BCAP31: variants seen among roughly 807,000 people sequenced by gnomAD.
BCAP31 encodes B cell receptor associated protein 31.
For synonymous variants in BCAP31, 75 were observed against 80.9 expected, an observed-to-expected ratio of 0.93 and a Z score of 0.39; for missense variants, 124 against 193.0, an observed-to-expected ratio of 0.64 and a Z score of 2.12.
intron 3 of BCAP31, among the ~76,000 whole-genome samples, chrX:153,716,398 T>C (rs782057106): frequency 9.2e-6 from 1 of 108,196 alleles, no homozygotes; most frequent in Non-Finnish European, 1.9e-5. Context: ...CAATGATAAG[T>C]TGAACCTGGA....
intron 2 of BCAP31, among the ~76,000 whole-genome samples, chrX:153,721,435 C>CAA (rs782544895): frequency 9.8e-4 from 32 of 32,560 alleles, no homozygotes; most frequent in African/African-American, 1.2e-3. Flanking sequence ...GACCTTGTCT[C>CAA]AAAAAAAAAA....
chrX:153,707,058 A>G (rs1322943910), intron 4 of BCAP31, among the ~76,000 whole-genome samples: 7 of 111,145 alleles, frequency 6.3e-5, no homozygotes, highest in African/African-American at 2.3e-4. Flanking sequence ...CATTCCTGGA[A>G]CACGCCTGGC....
chrX:153,717,184 G>A lies in BCAP31; in HGVS notation c.194-1495C>T, dbSNP rs377594897. On this transcript the variant is annotated intron_variant, in intron 3 of 7. Coordinates refer to ENST00000345046, the MANE Select transcript of BCAP31 (RefSeq NM_001256447.2). ...GGCCTGGGATAGCTCTGGGTGCAGA[G>A]TGGGCACTGAAATAATTGCTGAGTC... Among the ~76,000 whole-genome samples, 34 of 112,443 alleles carry A rather than the reference G, an allele frequency of 3.0e-4. 1 individual carries two copies. Among genetic ancestry groups the A allele is most frequent in the African/African-American group, 9.4e-4 (29 of 30,865 alleles).
intron 3 of BCAP31, among the ~76,000 whole-genome samples, chrX:153,717,612 G>A (rs1308982055): frequency 2.7e-5 from 3 of 112,158 alleles, no homozygotes; most frequent in Non-Finnish European, 5.6e-5. Context: ...GTAGAGACGG[G>A]GTTTCGCCAT....
chrX:153,708,184 A>T (rs1296317668), intron 4 of BCAP31, among the ~76,000 whole-genome samples: 3 of 112,443 alleles, frequency 2.7e-5, no homozygotes, highest in Non-Finnish European at 5.6e-5. Flanking sequence ...ATGTTGTTGG[A>T]CACTGAGCAG....
intron 3 of BCAP31, among the ~76,000 whole-genome samples, chrX:153,719,613 C>T (rs782193258): frequency 6.3e-5 from 7 of 110,887 alleles, no homozygotes; most frequent in Non-Finnish European, 1.1e-4. Context: ...CACAGCCCCC[C>T]ACCCGCTCAG....
At chrX:153,722,254 AT>A (rs2091672237) in intron 2 of BCAP31, among the ~76,000 whole-genome samples, 1 of 112,080 alleles carries the variant, frequency 8.9e-6, no homozygotes, top group Non-Finnish European at 1.9e-5. Flanking sequence ...AGGCAATGAT[AT>A]TTGTTTGAAT....
chrX:153,702,457 C>G (rs782334959), intron 6 of BCAP31: 2 of 210,086 alleles, frequency 9.5e-6, no homozygotes, highest in Admixed American at 1.4e-4. Flanking sequence ...ATGACAACCA[C>G]GCCTTGCACA....
intron 5 of BCAP31, among the ~76,000 whole-genome samples, chrX:153,703,595 C>T (rs1186569675): frequency 1.8e-5 from 2 of 113,003 alleles, no homozygotes; most frequent in Non-Finnish European, 3.7e-5. Context: ...CCACAGACCC[C>T]GAGTTCCAGA....
intron 4 of BCAP31, among the ~76,000 whole-genome samples, chrX:153,712,420 AAAT>A (rs2091598697): frequency 1.8e-5 from 2 of 109,907 alleles, no homozygotes; most frequent in Admixed American, 9.7e-5. Flanking sequence ...ATAAATAAAT[AAAT>A]AAATAAATAA....
chrX:153,700,683 C>A lies in BCAP31; in HGVS notation c.*254G>T, dbSNP rs782351413. ...TGCTCTCCACGCTCAGGCGTGGAAG[C>A]CAAGGCTGTGCCAGGCCTGGCCAGG... On this transcript the variant is annotated 3_prime_UTR_variant, in exon 8 of 8. Transcript: ENST00000345046. The A allele has an allele frequency of 3.8e-5, 13 of 342,684 alleles. No individual in the cohort carries two copies. The highest frequency in any genetic ancestry group is 1.4e-4 in the African/African-American group (5 of 36,350). 28.2% of individuals were successfully genotyped at this position (342,684 alleles called of 1,213,427 possible). A position where few individuals can be genotyped will look rare whatever the true frequency, so the allele number is the denominator to read the frequency against.
At chrX:153,702,525 T>C in intron 6 of BCAP31, 1 of 177,635 alleles carries the variant, frequency 5.6e-6, no homozygotes, top group Non-Finnish European at 1.0e-5. Context: ...CTTAAGTCTA[T>C]GCGTGGGAGA....
At chrX:153,710,033 G>A (rs1290173999) in intron 4 of BCAP31, among the ~76,000 whole-genome samples, 10 of 112,511 alleles carry the variant, frequency 8.9e-5, no homozygotes, top group African/African-American at 1.6e-4. Flanking sequence ...AGGAGGTGCC[G>A]GCTGGGCCGG....
intron 3 of BCAP31, 144 bp downstream of exon 3, chrX:153,720,728 C>T (rs2091659120): frequency 2.0e-6 from 1 of 510,722 alleles, no homozygotes; most frequent in South Asian, 3.4e-5. Flanking sequence ...AGCCTCTTCC[C>T]TCCCTCAAGA....
At chrX:153,723,434 G>C in intron 1 of BCAP31, 146 bp from the exon 2 acceptor site, 1 of 1,133,966 alleles carries the variant, frequency 8.8e-7, no homozygotes, top group Non-Finnish European at 1.2e-6. Flanking sequence ...GGCGGAAGCA[G>C]GGCTCCACTC....
chrX:153,705,248 G>A (rs1234649115), intron 4 of BCAP31: 2 of 113,357 alleles, frequency 1.8e-5, no homozygotes, highest in African/African-American at 6.4e-5. Context: ...AAGGGCTGGA[G>A]AAAGTAAAGA....
intron 3 of BCAP31, among the ~76,000 whole-genome samples, chrX:153,718,766 A>G (rs868953063): frequency 3.6e-5 from 4 of 111,859 alleles, no homozygotes; most frequent in African/African-American, 1.3e-4. Flanking sequence ...CCAATGACCA[A>G]TAGTGGGGAT....
At chrX:153,701,884 A>C (rs1264008315) in intron 7 of BCAP31, 123 bp downstream of exon 7, 13 of 598,316 alleles carry the variant, frequency 2.2e-5, no homozygotes, top group African/African-American at 4.6e-5. Flanking sequence ...AGAGGTGGCC[A>C]GGGGGAGTGG....
intron 4 of BCAP31, among the ~76,000 whole-genome samples, chrX:153,712,552 CT>C (rs1230902019): frequency 2.7e-5 from 3 of 112,000 alleles, no homozygotes; most frequent in Non-Finnish European, 1.9e-5. Flanking sequence ...CCGTGGTTAA[CT>C]TTTTTTAAAC....
Sources: gnomAD v4.1 joint callset for allele counts (sites outside exome capture counted in the v4.1 genomes callset) on GRCh38, gnomAD v4.1.1 for gene constraint, MANE v1.5 for transcripts, NCBI Gene and HGNC (gene_info 2026-07-23, HGNC 2026-07-21) for gene names.